Variants in RBFOX1 observed in about 807,000 individuals in gnomAD.
RBFOX1 encodes the protein RNA binding protein fox-1 homolog 1.
RBFOX1 carries 8 observed loss-of-function variants against 57.7 expected under a neutral mutation model. That is an observed-to-expected ratio of 0.14 (90% confidence interval 0.08 to 0.25). RBFOX1 has a LOEUF of 0.25. Ranked by LOEUF, RBFOX1 falls within the 10% of genes least tolerant of loss-of-function variation. RBFOX1 has a pLI of 1.00. For missense variants in RBFOX1, 611 were observed against 548.5 expected, an observed-to-expected ratio of 1.11 and a Z score of -1.14; for synonymous variants, 326 against 222.4, an observed-to-expected ratio of 1.47 and a Z score of -4.15.
At chr16:6,207,777 C>T (rs2097264849) in intron 1 of RBFOX1, among the ~76,000 whole-genome samples, 2 of 151,978 alleles carry the variant, frequency 1.3e-5, no homozygotes, top group South Asian at 4.1e-4. Context: ...AGCCTCAAAG[C>T]CCTGGGCTCA....
At chr16:7,250,025 A>G (rs183599765) in intron 4 of RBFOX1, among the ~76,000 whole-genome samples, 80 of 152,216 alleles carry the variant, frequency 5.3e-4, no homozygotes, top group Non-Finnish European at 1.1e-3. Context: ...AATAGAACCT[A>G]TTTGTTTTGC....
At chr16:5,567,984 A>AATTC (rs1176105944) in intron 2 of RBFOX1, among the ~76,000 whole-genome samples, 22 of 152,294 alleles carry the variant, frequency 1.4e-4, no homozygotes, top group Admixed American at 2.6e-4. Context: ...GTGTCCTCTG[A>AATTC]ATTCCACCAT....
chr16:7,703,147 AGT>A (rs2081317729), intron 14 of RBFOX1, among the ~76,000 whole-genome samples: 1 of 152,220 alleles, frequency 6.6e-6, no homozygotes, highest in Non-Finnish European at 1.5e-5. Context: ...CTGTACGGTA[AGT>A]GTGCGACTTG....
At position 6,986,135 on chromosome 16, in the gene RBFOX1, A is replaced by T. The variant is rs1279826765; in HGVS notation, c.-15-65922A>T. Reference sequence around the variant, plus strand: ...AATTCTAAACATGAAAAAATGTAAGACTTGTACAATAACCCTTATATACGT... The same window carrying T: ...AATTCTAAACATGAAAAAATGTAAGTCTTGTACAATAACCCTTATATACGT... On this transcript the variant is annotated intron_variant, in intron 3 of 15. Transcript: ENST00000550418. Among the ~76,000 whole-genome samples the T allele has an allele frequency of 5.3e-5, 8 of 150,424 alleles. No homozygotes were observed. In the East Asian group the frequency reaches 1.4e-3, roughly 26 times the overall value.
intron 4 of RBFOX1, among the ~76,000 whole-genome samples, chr16:7,210,389 C>T (rs564360079): frequency 2.0e-5 from 3 of 152,210 alleles, no homozygotes; most frequent in African/African-American, 7.2e-5. Context: ...ACGGTGTGGT[C>T]CTTCCTCACA....
intron 3 of RBFOX1, among the ~76,000 whole-genome samples, chr16:5,792,154 GC>G (rs1355232867): frequency 6.6e-6 from 1 of 152,202 alleles, no homozygotes; most frequent in African/African-American, 2.4e-5. Flanking sequence ...AGTCTAAGGG[GC>G]TGATAAAAGA....
chr16:6,703,676 C>A (rs2062210771), intron 3 of RBFOX1, among the ~76,000 whole-genome samples: 1 of 151,946 alleles, frequency 6.6e-6, no homozygotes, highest in Non-Finnish European at 1.5e-5. Context: ...CACTGCACTC[C>A]AGCCTGGATG....
At chr16:7,687,196 A>G (rs1358402162) in intron 14 of RBFOX1, among the ~76,000 whole-genome samples, 1 of 152,074 alleles carries the variant, frequency 6.6e-6, no homozygotes, top group Non-Finnish European at 1.5e-5. Flanking sequence ...ACACGTGACA[A>G]CACTAAACTG....
chr16:5,633,730 C>G (rs1306469233), intron 3 of RBFOX1, among the ~76,000 whole-genome samples: 2 of 151,860 alleles, frequency 1.3e-5, no homozygotes, highest in African/African-American at 4.8e-5. Context: ...AAAAATTAGC[C>G]GGGCGTCGTG....
chr16:6,859,779 G>C (rs888847739), intron 3 of RBFOX1, among the ~76,000 whole-genome samples: 1 of 152,024 alleles, frequency 6.6e-6, no homozygotes, highest in Non-Finnish European at 1.5e-5. Context: ...TTACTGCTAA[G>C]GCTCCAAAAG....
chr16:6,726,488 G>A (rs1438713454), intron 3 of RBFOX1, among the ~76,000 whole-genome samples: 2 of 151,618 alleles, frequency 1.3e-5, no homozygotes, highest in Non-Finnish European at 2.9e-5. Flanking sequence ...AGGTGAAGGT[G>A]GAACTATCAC....
chr16:7,314,130 A>G (rs976089014), intron 4 of RBFOX1, among the ~76,000 whole-genome samples: 3 of 152,138 alleles, frequency 2.0e-5, no homozygotes, highest in African/African-American at 7.2e-5. Flanking sequence ...GAGAGGGGAA[A>G]GAACGAGGCT....
intron 4 of RBFOX1, among the ~76,000 whole-genome samples, chr16:7,167,367 G>A (rs552805115): frequency 6.6e-6 from 1 of 152,020 alleles, no homozygotes; most frequent in Non-Finnish European, 1.5e-5. Context: ...CCTAAGTCCA[G>A]TGGCTGGTGT....
intron 3 of RBFOX1, among the ~76,000 whole-genome samples, chr16:6,890,482 G>A (rs1222638801): frequency 6.6e-6 from 1 of 152,042 alleles, no homozygotes; most frequent in African/African-American, 2.4e-5. Flanking sequence ...TAGCACCATG[G>A]CACTCCAGCC....
intron 2 of RBFOX1, among the ~76,000 whole-genome samples, chr16:6,598,402 C>T (rs867279590): frequency 6.6e-6 from 1 of 152,018 alleles, no homozygotes; most frequent in Non-Finnish European, 1.5e-5. Context: ...AATTGATTGG[C>T]CAGTACAAAG....
In RBFOX1 at chr16:5,443,935, A is replaced by C. The variant is rs1385607950; in HGVS notation, c.220-23281A>C. 3.9e-5 allele frequency among the ~76,000 whole-genome samples: 6 copies of C among 152,312 alleles called. No individual in the cohort carries two copies. In the East Asian group the frequency reaches 1.2e-3, roughly 29 times the overall value. On this transcript the variant is annotated intron_variant, in intron 1 of 2. Transcript: ENST00000585867. ...GATTTTCCACCTTGAGGAGCTAAGC[A>C]GTATGAGAGGAAGTGTCAGGCATGT...
At chr16:7,140,846 A>G (rs2073569060) in intron 4 of RBFOX1, among the ~76,000 whole-genome samples, 1 of 152,212 alleles carries the variant, frequency 6.6e-6, no homozygotes, top group Non-Finnish European at 1.5e-5. Context: ...GGCGGACTCC[A>G]GGAGCAGGAT....
chr16:7,425,330 A>G (rs1209554982), intron 4 of RBFOX1, among the ~76,000 whole-genome samples: 4 of 152,164 alleles, frequency 2.6e-5, no homozygotes, highest in Admixed American at 1.3e-4. Flanking sequence ...TTGATGAGTA[A>G]TAGTTGAGTT....
intron 1 of RBFOX1, among the ~76,000 whole-genome samples, chr16:6,273,198 G>A (rs2075397793): frequency 6.6e-6 from 1 of 151,772 alleles, no homozygotes; most frequent in Non-Finnish European, 1.5e-5. Context: ...GGCAGAGGTT[G>A]CAGTGAGCCA....
Sources: gnomAD v4.1 joint callset for allele counts (sites outside exome capture counted in the v4.1 genomes callset) on GRCh38, gnomAD v4.1.1 for gene constraint, MANE v1.5 for transcripts, NCBI Gene and HGNC (gene_info 2026-07-23, HGNC 2026-07-21) for gene names.